Variants in GPC5 observed in about 807,000 individuals in gnomAD.
GPC5 encodes the protein glypican 5.
Under a neutral mutation model 53.9 loss-of-function variants are expected in GPC5, and 47 were observed. That is an observed-to-expected ratio of 0.87 (90% CI 0.69 to 1.11). The LOEUF (loss-of-function observed/expected upper bound fraction) is 1.11, where lower values mean the gene tolerates loss of function less well. Ranked by LOEUF, GPC5 falls within the 50% of genes most tolerant of loss-of-function variation. The pLI is 0.00. For missense variants in GPC5, 748 were observed against 713.1 expected, an observed-to-expected ratio of 1.05 and a Z score of -0.56; for synonymous variants, 286 against 263.3, an observed-to-expected ratio of 1.09 and a Z score of -0.84.
chr13:92,754,753 A>T (rs1230207333), intron 7 of GPC5, among the ~76,000 whole-genome samples: 2 of 151,682 alleles, frequency 1.3e-5, no homozygotes, highest in African/African-American at 2.4e-5. Context: ...ATAATGGTAA[A>T]GGAATCAATT....
At chr13:92,613,330 A>ATAAATATATTATATATTTATATATAAAT (rs1173655761) in intron 7 of GPC5, among the ~76,000 whole-genome samples, 1 of 99,210 alleles carries the variant, frequency 1.0e-5, no homozygotes, top group African/African-American at 4.2e-5. Context: ...ATATTTATAT[A>ATAAATATATTATATATTTATATATAAAT]ATATAATATA....
chr13:92,219,551 C>A (rs1454047017), intron 7 of GPC5, among the ~76,000 whole-genome samples: 7 of 152,086 alleles, frequency 4.6e-5, no homozygotes, highest in Non-Finnish European at 1.0e-4. Context: ...CCTTTTCAAC[C>A]CCCTCCCCCA....
At chr13:92,701,836 A>C (rs904586883) in intron 7 of GPC5, among the ~76,000 whole-genome samples, 17 of 152,152 alleles carry the variant, frequency 1.1e-4, no homozygotes, top group African/African-American at 3.9e-4. Flanking sequence ...GACATCTAAA[A>C]ATGGAATTCA....
chr13:91,977,883 G>A (rs986419779), intron 6 of GPC5, among the ~76,000 whole-genome samples: 9 of 151,238 alleles, frequency 6.0e-5, no homozygotes, highest in Admixed American at 1.3e-4. Flanking sequence ...AGGTGGAGGT[G>A]GGAGAATCCC....
chr13:92,527,183 AAG>A (rs1881350179), intron 7 of GPC5, among the ~76,000 whole-genome samples: 2 of 14,946 alleles, frequency 1.3e-4, no homozygotes, highest in African/African-American at 2.2e-4. Flanking sequence ...AGAAAGAAAG[AAG>A]AAAGAAAGAA....
intron 1 of GPC5, among the ~76,000 whole-genome samples, chr13:91,422,558 C>T (rs1878711862): frequency 6.6e-6 from 1 of 152,150 alleles, no homozygotes; most frequent in Non-Finnish European, 1.5e-5. Flanking sequence ...ATTGCTGGAA[C>T]CCAGAAGGCA....
intron 6 of GPC5, among the ~76,000 whole-genome samples, chr13:91,992,839 A>G (rs2040469433): frequency 6.6e-6 from 1 of 152,188 alleles, no homozygotes; most frequent in South Asian, 2.1e-4. Context: ...TTCAATGGTA[A>G]CTACAGTAAT....
At chr13:92,662,899 A>G (rs920470772) in intron 7 of GPC5, among the ~76,000 whole-genome samples, 5 of 152,114 alleles carry the variant, frequency 3.3e-5, no homozygotes, top group African/African-American at 1.2e-4. Flanking sequence ...TGCCTTATTT[A>G]TCTACCCTGG....
chr13:92,160,533 G>A (rs980429288), intron 7 of GPC5, among the ~76,000 whole-genome samples: 1 of 152,274 alleles, frequency 6.6e-6, no homozygotes, highest in Admixed American at 6.5e-5. Flanking sequence ...ATTGAACAGA[G>A]AGTAAGGGAA....
At chr13:92,566,625 A>G (rs1170434750) in intron 7 of GPC5, among the ~76,000 whole-genome samples, 1 of 152,100 alleles carries the variant, frequency 6.6e-6, no homozygotes, top group Non-Finnish European at 1.5e-5. Context: ...CTTGATTTTC[A>G]TGATAATCTG....
intron 7 of GPC5, among the ~76,000 whole-genome samples, chr13:92,435,242 T>C (rs2139378935): frequency 6.6e-6 from 1 of 152,196 alleles, no homozygotes; most frequent in East Asian, 1.9e-4. Flanking sequence ...GAAAATTAAA[T>C]GACATATAGT....
intron 7 of GPC5, among the ~76,000 whole-genome samples, chr13:92,648,509 C>T (rs551012693): frequency 5.9e-5 from 9 of 152,188 alleles, no homozygotes; most frequent in African/African-American, 2.2e-4. Context: ...CCACCATTCA[C>T]CTCTGCTATC....
intron 7 of GPC5, among the ~76,000 whole-genome samples, chr13:92,740,016 T>C (rs1456188510): frequency 3.3e-5 from 5 of 151,992 alleles, no homozygotes; most frequent in Non-Finnish European, 7.4e-5. Context: ...GTACAGCCCA[T>C]TGGCCCCTCT....
intron 7 of GPC5, among the ~76,000 whole-genome samples, chr13:92,217,294 C>T (rs2139082936): frequency 6.6e-6 from 1 of 152,338 alleles, no homozygotes; most frequent in East Asian, 1.9e-4. Flanking sequence ...CCTAAGCCTT[C>T]TCCTAATATC....
intron 6 of GPC5, among the ~76,000 whole-genome samples, chr13:91,997,663 T>C (rs1241369558): frequency 6.6e-6 from 1 of 152,070 alleles, no homozygotes; most frequent in Admixed American, 6.6e-5. Flanking sequence ...GAATTACAGA[T>C]GCAGGACACC....
intron 6 of GPC5, among the ~76,000 whole-genome samples, chr13:92,034,968 G>A (rs1198179439): frequency 1.3e-4 from 20 of 152,102 alleles, no homozygotes; most frequent in Non-Finnish European, 2.9e-5. Flanking sequence ...TGGTTGGTTT[G>A]ACACATAAAA....
At chr13:91,829,848 G>A (rs2038628677) in intron 5 of GPC5, among the ~76,000 whole-genome samples, 1 of 152,082 alleles carries the variant, frequency 6.6e-6, no homozygotes, top group East Asian at 1.9e-4. Flanking sequence ...TACGAATAGG[G>A]TGTGGGTCAC....
chr13:92,007,498 T>C (rs115723802), intron 6 of GPC5, among the ~76,000 whole-genome samples: 456 of 152,318 alleles, frequency 3.0e-3, no homozygotes, highest in African/African-American at 0.011. Context: ...CATAATAATA[T>C]ATATTTTGAA....
At position 92,318,773 on chromosome 13, in the gene GPC5, G is replaced by A. The variant is rs139140432; in HGVS notation, c.1561+173784G>A. ...TGTAGAATTGCATATATGTTCTTAC[G>A]GTAGAAATGATCACAAGGTACTATC... On this transcript the variant is annotated intron_variant, in intron 7 of 7. Coordinates refer to ENST00000377067, the MANE Select transcript of GPC5 (RefSeq NM_004466.6). 7.1e-3 allele frequency among the ~76,000 whole-genome samples: 1,078 copies of A among 152,110 alleles called. 42 individuals carry two copies. Among genetic ancestry groups the A allele is most frequent in the Admixed American group, 0.064 (984 of 15,268 alleles).
Sources: allele counts gnomAD v4.1 joint callset (sites outside exome capture counted in the v4.1 genomes callset), GRCh38; gene constraint gnomAD v4.1.1; transcripts MANE v1.5; gene names NCBI Gene and HGNC (gene_info 2026-07-23, HGNC 2026-07-21).